The following CRACD variants were observed in gnomAD, a reference collection of about 807,000 sequenced individuals.
CRACD encodes the protein capping protein-inhibiting regulator of actin dynamics.
Under a neutral mutation model 106.8 loss-of-function variants are expected in CRACD, and 56 were observed. That is an observed-to-expected ratio of 0.52 (90% confidence interval 0.42 to 0.66). CRACD has a LOEUF of 0.66. CRACD is among the 30% of genes least tolerant of loss of function. The probability of loss-of-function intolerance (pLI) is 0.00; values close to 1 mark genes in which losing one functional copy is unlikely to be tolerated. For missense variants in CRACD, 1,730 were observed against 1,623.2 expected (o/e 1.07, Z -1.13); for synonymous variants, 754 against 670.8 (o/e 1.12, Z -1.92).
chr4:56,281,934 T>A (rs1011436404), intron 3 of CRACD, among the ~76,000 whole-genome samples: 1 of 152,222 alleles, frequency 6.6e-6, no homozygotes, highest in African/African-American at 2.4e-5. Context: ...TGACGTACCC[T>A]GTTTCTTTTG....
intron 2 of CRACD, among the ~76,000 whole-genome samples, chr4:56,235,398 G>A (rs1739906482): frequency 6.6e-6 from 1 of 152,126 alleles, no homozygotes; most frequent in African/African-American, 2.4e-5. Flanking sequence ...ATTTCCTTGG[G>A]GAAACAAGAA....
At chr4:56,162,680 G>C (rs550272456) in intron 1 of CRACD, among the ~76,000 whole-genome samples, 80 of 152,326 alleles carry the variant, frequency 5.3e-4, no homozygotes, top group Non-Finnish European at 7.9e-4. Context: ...AATTACTGAA[G>C]CCTGCCTTGT....
At chr4:56,057,817 T>G (rs1560438228) in intron 1 of CRACD, among the ~76,000 whole-genome samples, 3 of 55,060 alleles carry the variant, frequency 5.4e-5, no homozygotes, top group East Asian at 2.9e-4. Flanking sequence ...TTTTTTTGTT[T>G]TTTTTTTTTT....
intron 2 of CRACD, among the ~76,000 whole-genome samples, chr4:56,265,403 GGTGTGTGTGTGTGTGT>G (rs111811548): frequency 9.0e-5 from 7 of 77,444 alleles, no homozygotes; most frequent in Non-Finnish European, 1.8e-4. Flanking sequence ...ATAGAGGAGG[GGTGTGTGTGTGTGTGT>G]GTGTGTGTGT....
chr4:56,247,310 A>G (rs1257085955), intron 2 of CRACD, among the ~76,000 whole-genome samples: 2 of 152,198 alleles, frequency 1.3e-5, no homozygotes, highest in African/African-American at 4.8e-5. Context: ...GTGAAGCAGT[A>G]TTCTTATGAT....
intron 4 of CRACD, 130 bp downstream of exon 4, chr4:56,298,479 T>C (rs1203426139): frequency 3.7e-6 from 4 of 1,091,520 alleles, no homozygotes; most frequent in East Asian, 2.5e-5. Flanking sequence ...GTGAGAATTA[T>C]TGCTTTCTTG....
At position 56,315,259 on chromosome 4, in the gene CRACD, C is replaced by T. The variant is rs757613708; in HGVS notation, c.1757C>T (p.Pro586Leu). ...PKASPVQHALPSSLSVPHTAI... is the reference protein window; with the variant it reads ...PKASPVQHALLSSLSVPHTAI... ...GCCAGCCCAGTCCAGCACGCCCTAC[C>T]GTCGTCCCTGAGCGTTCCCCACACC... is the stretch of plus-strand genomic sequence containing the variant. The change falls in exon 8 of 11, where the codon CCG (proline) becomes CTG (leucine). Residue 586 changes from proline (P) to leucine (L), a missense_variant. Physicochemically the swap from Pro to Leu is moderately conservative, Grantham distance 98. Transcript: ENST00000682029. The surrounding 1 kb of genome is among the most constrained non-coding windows in gnomAD (Gnocchi z 4.1). 3.9e-5 allele frequency: 63 copies of T among 1,608,186 alleles called. No individual in the cohort carries two copies. Among genetic ancestry groups the T allele is most frequent in the Non-Finnish European group, 5.3e-5 (62 of 1,177,636 alleles).
intron 1 of CRACD, among the ~76,000 whole-genome samples, chr4:56,116,380 G>A (rs966043174): frequency 6.6e-6 from 1 of 152,104 alleles, no homozygotes; most frequent in Non-Finnish European, 1.5e-5. Context: ...ATTTCTATGG[G>A]GTAGATATTA....
At chr4:56,197,991 T>A (rs1737702877) in intron 2 of CRACD, among the ~76,000 whole-genome samples, 1 of 152,164 alleles carries the variant, frequency 6.6e-6, no homozygotes, top group Non-Finnish European at 1.5e-5. Context: ...GATTTTTTTT[T>A]AATTTAAGAA....
intron 1 of CRACD, among the ~76,000 whole-genome samples, chr4:56,109,692 T>C (rs1376927424): frequency 1.3e-5 from 2 of 151,946 alleles, no homozygotes; most frequent in Non-Finnish European, 2.9e-5. Context: ...TTTAAAATTA[T>C]TTAAAAATTA....
At chr4:56,153,519 C>T (rs1735659147) in intron 1 of CRACD, among the ~76,000 whole-genome samples, 1 of 152,150 alleles carries the variant, frequency 6.6e-6, no homozygotes, top group African/African-American at 2.4e-5. Flanking sequence ...GCTGAGCCCT[C>T]CTTCCTCCTG....
chr4:56,140,137 C>T (rs908374898), intron 1 of CRACD, among the ~76,000 whole-genome samples: 8 of 152,166 alleles, frequency 5.3e-5, no homozygotes, highest in Admixed American at 5.2e-4. Flanking sequence ...CTTCTTTTAA[C>T]ATTTTATGCC....
Position 56,316,477 on chromosome 4 carries a change from G to A in CRACD, c.2975G>A (p.Arg992Gln). Reference sequence around the variant, plus strand: ...TACTTGGTAGAGCTGCTGTCTCGCCGAGCGGGGAGGCCGGACCCAGAGCCA... The same window carrying A: ...TACTTGGTAGAGCTGCTGTCTCGCCAAGCGGGGAGGCCGGACCCAGAGCCA... Reference protein sequence around the residue: ...RPYLVELLSRRAGRPDPEPSE... With the variant: ...RPYLVELLSRQAGRPDPEPSE... Residue 992 changes from arginine (R) to glutamine (Q), a missense_variant, in exon 8 of 11, where the codon CGA (arginine) becomes CAA (glutamine). By Grantham distance (43) the Arg-to-Gln change is conservative. Around this residue, in one of 5 missense-constraint regions of CRACD, gnomAD observed 1,620 missense variants for 1,481.6 expected, o/e 1.09. Coordinates refer to ENST00000682029, the MANE Select transcript of CRACD (RefSeq NM_001393381.1). The A allele has an allele frequency of 3.7e-6, 6 of 1,613,854 alleles. No homozygotes were observed. Among genetic ancestry groups the A allele is most frequent in the African/African-American group, 1.3e-5 (1 of 75,048 alleles).
At chr4:56,224,952 G>T (rs1739224279) in intron 2 of CRACD, among the ~76,000 whole-genome samples, 2 of 152,196 alleles carry the variant, frequency 1.3e-5, no homozygotes, top group African/African-American at 2.4e-5. Flanking sequence ...TCTGGAGAGG[G>T]TTGAGTGTCA....
chr4:56,230,984 C>G (rs1391816670), intron 2 of CRACD, among the ~76,000 whole-genome samples: 2 of 152,110 alleles, frequency 1.3e-5, no homozygotes, highest in African/African-American at 4.8e-5. Flanking sequence ...AGCTTATGGA[C>G]TTGGATCACC....
At chr4:56,180,531 A>AATAG (rs1221120625) in intron 2 of CRACD, among the ~76,000 whole-genome samples, 1,417 of 141,350 alleles carry the variant, frequency 0.01, 16 homozygotes, top group Non-Finnish European at 0.014. Context: ...TAAATAAATA[A>AATAG]ATAGATAGAT....
rs528353078 is a variant in CRACD at position 56,240,814 on chromosome 4, C to A, written c.-188-31507C>A. 1.2e-4 allele frequency among the ~76,000 whole-genome samples: 19 copies of A among 152,350 alleles called. No homozygotes were observed. In the South Asian group the frequency reaches 3.3e-3, roughly 27 times the overall value. ...TCAAAAAGAAGATTCTTAGGTTTGT[C>A]TTCTGTGACTTCAGGCCATTCCTTA... On this transcript the variant is annotated intron_variant, in intron 2 of 10. Coordinates refer to ENST00000682029, the MANE Select transcript of CRACD (RefSeq NM_001393381.1).
chr4:56,098,876 T>C (rs775386784), intron 1 of CRACD, among the ~76,000 whole-genome samples: 1 of 152,158 alleles, frequency 6.6e-6, no homozygotes, highest in Non-Finnish European at 1.5e-5. Flanking sequence ...GGTTTCACCA[T>C]ATTGGCCAGG....
At chr4:56,288,041 A>G (rs1245907134) in intron 3 of CRACD, among the ~76,000 whole-genome samples, 1 of 152,166 alleles carries the variant, frequency 6.6e-6, no homozygotes, top group Non-Finnish European at 1.5e-5. Context: ...CTTGGGTAGG[A>G]GTGGCATGGA....
Sources: gnomAD v4.1 joint callset for allele counts (sites outside exome capture counted in the v4.1 genomes callset) on GRCh38, gnomAD v4.1.1 for gene constraint, gnomAD v4.1.1 regional missense constraint, Gnocchi (gnomAD v3.1) non-coding constraint, MANE v1.5 for transcripts, NCBI Gene and HGNC (gene_info 2026-07-23, HGNC 2026-07-21) for gene names.